Variants in TNFSF4 observed in about 807,000 individuals in gnomAD.
TNFSF4 encodes the protein tumor necrosis factor ligand superfamily member 4.
A neutral mutation model predicts 7.3 loss-of-function variants in TNFSF4; 4 were observed. The ratio of observed to expected loss-of-function variants is 0.55; its 90% confidence interval spans 0.27 to 1.25. The LOEUF is 1.25. Ranked by LOEUF, TNFSF4 falls within the 50% of genes most tolerant of loss-of-function variation. TNFSF4 has a pLI of 0.12. For missense variants in TNFSF4, 181 were observed against 208.8 expected, an observed-to-expected ratio of 0.87 and a Z score of 0.82; for synonymous variants, 76 against 83.7, an observed-to-expected ratio of 0.91 and a Z score of 0.50.
chr1:173,190,138 C>A (rs1372063213), intron 1 of TNFSF4, among the ~76,000 whole-genome samples: 1 of 152,014 alleles, frequency 6.6e-6, no homozygotes, highest in Non-Finnish European at 1.5e-5. Flanking sequence ...ATCACTGAAA[C>A]CTGGGAGGGG....
chr1:173,309,268 C>T, the TNFSF4 span, among the ~76,000 whole-genome samples: 1 of 151,750 alleles, frequency 6.6e-6, no homozygotes, highest in East Asian at 1.9e-4. Flanking sequence ...ACAGTAACGG[C>T]GATGCAGTCA....
the TNFSF4 span, among the ~76,000 whole-genome samples, chr1:173,212,795 C>T: frequency 6.6e-6 from 1 of 151,694 alleles, no homozygotes; most frequent in African/African-American, 2.4e-5. Flanking sequence ...ATCTTACATA[C>T]CCCATAAATA....
the TNFSF4 span, among the ~76,000 whole-genome samples, chr1:173,299,641 T>C: frequency 6.6e-6 from 1 of 151,966 alleles, no homozygotes; most frequent in East Asian, 1.9e-4. Flanking sequence ...GTATTGACTA[T>C]TTGATTTATG....
chr1:173,231,556 C>T, the TNFSF4 span, among the ~76,000 whole-genome samples: 1 of 152,342 alleles, frequency 6.6e-6, no homozygotes, highest in East Asian at 1.9e-4. Flanking sequence ...TGCCCTCTCT[C>T]ACCACTCCTA....
chr1:173,343,228 G>A, the TNFSF4 span, among the ~76,000 whole-genome samples: 1 of 152,142 alleles, frequency 6.6e-6, no homozygotes, highest in Non-Finnish European at 1.5e-5. Context: ...TATGATAGAA[G>A]ATGATATTTG....
At chr1:173,191,856 T>G (rs1264698273) in intron 1 of TNFSF4, among the ~76,000 whole-genome samples, 1 of 152,218 alleles carries the variant, frequency 6.6e-6, no homozygotes, top group Non-Finnish European at 1.5e-5. Flanking sequence ...TCCAGCAGTT[T>G]GCCAGCACAT....
the TNFSF4 span, among the ~76,000 whole-genome samples, chr1:173,389,127 C>G: frequency 6.6e-6 from 1 of 152,260 alleles, no homozygotes; most frequent in Admixed American, 6.5e-5. Flanking sequence ...AAAACTAAAG[C>G]TATCATCATT....
chr1:173,205,407 C>A, intron 1 of TNFSF4: 1 of 1,604,858 alleles, frequency 6.2e-7, no homozygotes, highest in Non-Finnish European at 8.5e-7. Context: ...GAAAGGATCC[C>A]CTCTTTTTCT....
chr1:173,310,281 AG>A, the TNFSF4 span, among the ~76,000 whole-genome samples: 43 of 152,034 alleles, frequency 2.8e-4, no homozygotes, highest in African/African-American at 9.9e-4. Context: ...TATGTACTTA[AG>A]GGCAAAAAAT....
the TNFSF4 span, among the ~76,000 whole-genome samples, chr1:173,433,220 C>T: frequency 6.6e-6 from 1 of 152,274 alleles, no homozygotes; most frequent in Non-Finnish European, 1.5e-5. Flanking sequence ...TTACGCTGCC[C>T]TTTTAGGCCA....
the TNFSF4 span, among the ~76,000 whole-genome samples, chr1:173,269,733 T>C: frequency 6.6e-6 from 1 of 152,158 alleles, no homozygotes; most frequent in African/African-American, 2.4e-5. Context: ...GAATTGTTTA[T>C]TTGTGCAATT....
chr1:173,301,343 A>G, the TNFSF4 span, among the ~76,000 whole-genome samples: 1 of 65,406 alleles, frequency 1.5e-5, no homozygotes, highest in African/African-American at 4.3e-5. Flanking sequence ...TTTTTAAGTA[A>G]AAAGTTCCAT....
chr1:173,204,674 A>G (rs992486025), intron 1 of TNFSF4, among the ~76,000 whole-genome samples: 5 of 152,174 alleles, frequency 3.3e-5, no homozygotes, highest in African/African-American at 1.2e-4. Context: ...TTCACCTCCA[A>G]TACACATCAC....
chr1:173,205,442 C>T lies in TNFSF4; in HGVS notation c.153+1582G>A, dbSNP rs1650146625. 9 of 1,566,414 alleles carry T rather than the reference C, an allele frequency of 5.7e-6. No individual in the cohort carries two copies. The South Asian group carries it at 1.1e-4, about 18-fold the overall frequency. ...TCAACATCTCCTGGATATTGATAGT[C>T]CAATGTGACCCCAACCACCAGCAAG... is the stretch of plus-strand genomic sequence containing the variant. On this transcript the variant is annotated intron_variant, in intron 1 of 2. Transcript: ENST00000281834.
downstream of TNFSF4, among the ~76,000 whole-genome samples, chr1:173,178,968 C>A (rs1292578480): frequency 6.6e-6 from 1 of 152,154 alleles, no homozygotes; most frequent in Non-Finnish European, 1.5e-5. Context: ...TGATACAGGA[C>A]TATTAACCAA....
At chr1:173,424,010 G>A in the TNFSF4 span, among the ~76,000 whole-genome samples, 5 of 152,240 alleles carry the variant, frequency 3.3e-5, no homozygotes, top group South Asian at 1.0e-3. Flanking sequence ...GCAAAAAGGG[G>A]GGTGAATGCT....
At chr1:173,393,223 C>T in the TNFSF4 span, among the ~76,000 whole-genome samples, 2 of 152,344 alleles carry the variant, frequency 1.3e-5, no homozygotes, top group East Asian at 3.9e-4. Context: ...CTGCTGAAAG[C>T]TCATTCTGCC....
the TNFSF4 span, among the ~76,000 whole-genome samples, chr1:173,230,746 C>T: frequency 1.8e-4 from 27 of 152,046 alleles, no homozygotes; most frequent in African/African-American, 6.3e-4. Context: ...ATAAAGGGGA[C>T]ATCACCACCA....
At chr1:173,335,850 G>T in the TNFSF4 span, among the ~76,000 whole-genome samples, 1 of 152,164 alleles carries the variant, frequency 6.6e-6, no homozygotes, top group African/African-American at 2.4e-5. Flanking sequence ...ACAGCATTTA[G>T]CCAAGGTTAC....
Sources: allele counts gnomAD v4.1 joint callset (sites outside exome capture counted in the v4.1 genomes callset), GRCh38; gene constraint gnomAD v4.1.1; transcripts MANE v1.5; gene names NCBI Gene and HGNC (gene_info 2026-07-23, HGNC 2026-07-21).